The following MCEE variants were observed in gnomAD, a reference collection of about 807,000 sequenced individuals.
The protein encoded by MCEE is methylmalonyl-CoA epimerase.
MCEE carries 6 observed loss-of-function variants against 12.9 expected under a neutral mutation model. That is an observed-to-expected ratio of 0.47 (90% CI 0.26 to 0.92). MCEE has a LOEUF of 0.92. Among genes scored for constraint, MCEE ranks in the 40% least tolerant of loss-of-function variants. MCEE has a pLI of 0.16. For synonymous variants in MCEE, 78 were observed against 77.9 expected, an observed-to-expected ratio of 1.00 and a Z score of -0.01; for missense variants, 214 against 212.1, an observed-to-expected ratio of 1.01 and a Z score of -0.05.
Position 71,117,907 on chromosome 2 carries a change from C to T in MCEE, c.378+6299G>A, listed in dbSNP as rs191828229. ...CCTCCCTCAGCCTCAGCACTGCACT[C>T]ATCACCCTCCATGTGCTCCAACCGT... is the stretch of plus-strand genomic sequence containing the variant. On this transcript the variant is annotated intron_variant, in intron 2 of 2. Coordinates refer to ENST00000244217, the MANE Select transcript of MCEE (RefSeq NM_032601.4). 6.5e-4 allele frequency among the ~76,000 whole-genome samples: 98 copies of T among 149,960 alleles called. 3 individuals are homozygous for T. Among genetic ancestry groups the T allele is most frequent in the Non-Finnish European group, 9.7e-4 (66 of 67,988 alleles).
chr2:71,128,015 C>A (rs1375178462), intron 1 of MCEE, among the ~76,000 whole-genome samples: 1 of 152,212 alleles, frequency 6.6e-6, no homozygotes, highest in Non-Finnish European at 1.5e-5. Context: ...TCAAGTTAGT[C>A]TGGTAAGTTT....
rs572364833 is a variant in MCEE at position 71,111,104 on chromosome 2, T to A, written c.379-982A>T. Among the ~76,000 whole-genome samples the A allele has an allele frequency of 2.6e-5, 4 of 152,332 alleles. No individual in the cohort carries two copies. The South Asian group carries it at 8.3e-4, about 32-fold the overall frequency. ...TCAAACAGCTAATGAGGATACTAAATGTTACATAAATAAGCTATGATTTCT... is the reference window on the plus strand; with the variant it reads ...TCAAACAGCTAATGAGGATACTAAAAGTTACATAAATAAGCTATGATTTCT... On this transcript the variant is annotated intron_variant, in intron 2 of 2. Transcript: ENST00000244217.
chr2:71,114,870 A>G (rs192647952), intron 2 of MCEE, among the ~76,000 whole-genome samples: 3 of 152,322 alleles, frequency 2.0e-5, no homozygotes, highest in Admixed American at 6.5e-5. Context: ...AAGTACTGAC[A>G]TGATTTTTTT....
chr2:71,121,555 T>C (rs2103632887), intron 2 of MCEE, among the ~76,000 whole-genome samples: 1 of 152,330 alleles, frequency 6.6e-6, no homozygotes, highest in African/African-American at 2.4e-5. Context: ...CATTTGCATG[T>C]CCCCCTTATA....
chr2:71,110,917 C>T (rs1672873578), intron 2 of MCEE: 1 of 151,988 alleles, frequency 6.6e-6, no homozygotes, highest in South Asian at 2.1e-4. Context: ...AGTCATAAAT[C>T]ACTAGTTTAA....
chr2:71,119,276 G>T (rs559551403), intron 2 of MCEE, among the ~76,000 whole-genome samples: 1 of 150,254 alleles, frequency 6.7e-6, no homozygotes, highest in Non-Finnish European at 1.5e-5. Flanking sequence ...AGGCTACAGG[G>T]TACAGTCTAT....
chr2:71,126,831 G>A (rs1673245095), intron 1 of MCEE, among the ~76,000 whole-genome samples: 1 of 152,120 alleles, frequency 6.6e-6, no homozygotes, highest in Non-Finnish European at 1.5e-5. Context: ...TATACAATGT[G>A]ATGTTTTAAT....
At chr2:71,129,753 G>T (rs1323608535) in intron 1 of MCEE, 1 of 280,138 alleles carries the variant, frequency 3.6e-6, no homozygotes, top group Non-Finnish European at 7.1e-6. Flanking sequence ...GTCACGCTTG[G>T]AGTTCGGCCG....
rs17583019 is a variant in MCEE, at chr2:71,110,403, G to C, written c.379-281C>G. On this transcript the variant is annotated intron_variant, in intron 2 of 2. Transcript: ENST00000244217. ...ATCATGTATGATATACTTTATAATA[G>C]TTTATTCTGGCAGTACTATTAGTGA... 0.12 allele frequency among the ~76,000 whole-genome samples: 18,802 copies of C among 152,116 alleles called. 1,289 individuals carry two copies. The highest frequency in any genetic ancestry group is 0.28 in the East Asian group (1,452 of 5,170).
chr2:71,119,500 T>C (rs1045382506), intron 2 of MCEE, among the ~76,000 whole-genome samples: 4 of 149,968 alleles, frequency 2.7e-5, no homozygotes, highest in African/African-American at 1.0e-4. Context: ...TAATCATCCC[T>C]TATATTTCCT....
intron 2 of MCEE, among the ~76,000 whole-genome samples, chr2:71,123,471 C>T (rs12713737): frequency 0.87 from 129,384 of 148,682 alleles, 56,398 homozygotes; most frequent in East Asian, 1. Flanking sequence ...TCAGCCTGGG[C>T]GACAGAGTAA....
chr2:71,110,179 G>A (rs1260498303), intron 2 of MCEE, 57 bp from the exon 3 acceptor site: 36 of 1,511,944 alleles, frequency 2.4e-5, no homozygotes, highest in Non-Finnish European at 3.1e-5. Context: ...CCAACTTATA[G>A]TATCATAAGA....
intron 2 of MCEE, among the ~76,000 whole-genome samples, chr2:71,121,356 A>G (rs1673098355): frequency 6.6e-6 from 1 of 152,218 alleles, no homozygotes; most frequent in Admixed American, 6.5e-5. Context: ...TGTGTCATGG[A>G]CAGCAGAGCT....
At chr2:71,110,845 C>G (rs1192342643) in intron 2 of MCEE, 1 of 152,138 alleles carries the variant, frequency 6.6e-6, no homozygotes, top group Non-Finnish European at 1.5e-5. Context: ...AAGTCACCCA[C>G]TTAGACTGGG....
rs561607284 is a variant in MCEE at position 71,114,996 on chromosome 2, C to G, written c.379-4874G>C. ...TGAATATTTTCATTTATGGAACATT[C>G]TATCCAAGTACAAGTATCTATAATT... On this transcript the variant is annotated intron_variant, in intron 2 of 2. Transcript: ENST00000244217. Among the ~76,000 whole-genome samples the G allele has an allele frequency of 3.3e-5, 5 of 152,248 alleles. No individual in the cohort carries two copies. In the South Asian group the frequency reaches 6.2e-4, roughly 19 times the overall value.
chr2:71,125,677 T>G (rs1417332087), intron 1 of MCEE, among the ~76,000 whole-genome samples: 4 of 152,162 alleles, frequency 2.6e-5, no homozygotes, highest in Admixed American at 2.6e-4. Context: ...TGTCGCTGTG[T>G]CCTCATCAGA....
rs1243506608 is a variant in MCEE at position 71,125,211 on chromosome 2, A to ATTTTTTTT, written c.41-676_41-669dup. On this transcript the variant is annotated intron_variant, in intron 1 of 2. Coordinates refer to ENST00000244217, the MANE Select transcript of MCEE (RefSeq NM_032601.4). ...TAAATATATATATATATATATATAT[A>ATTTTTTTT]TTTTTTTTTTTTTTTGAGACGGAGT... 6.8e-4 allele frequency among the ~76,000 whole-genome samples: 33 copies of ATTTTTTTT among 48,588 alleles called. 1 individual carries two copies. Among genetic ancestry groups the ATTTTTTTT allele is most frequent in the Non-Finnish European group, 1.1e-3 (24 of 22,692 alleles). The allele number at this position is 48,588 out of a possible 152,430, so 31.9% of individuals were successfully genotyped here.
At chr2:71,113,996 C>G (rs540963439) in intron 2 of MCEE, among the ~76,000 whole-genome samples, 22 of 152,132 alleles carry the variant, frequency 1.4e-4, no homozygotes, top group African/African-American at 5.1e-4. Flanking sequence ...CAAATCTCAA[C>G]TGAGGGACAG....
intron 2 of MCEE, among the ~76,000 whole-genome samples, chr2:71,113,521 A>C (rs1164104952): frequency 2.0e-5 from 3 of 152,192 alleles, no homozygotes; most frequent in Non-Finnish European, 4.4e-5. Flanking sequence ...ATGAATTTGG[A>C]GTATCTTACA....
Sources: allele counts gnomAD v4.1 joint callset (sites outside exome capture counted in the v4.1 genomes callset), GRCh38; gene constraint gnomAD v4.1.1; transcripts MANE v1.5; gene names NCBI Gene and HGNC (gene_info 2026-07-23, HGNC 2026-07-21).